Variants in DENND1A observed in about 807,000 individuals in gnomAD.
The protein encoded by DENND1A is DENN domain-containing protein 1A.
A neutral mutation model predicts 113.7 loss-of-function variants in DENND1A; 51 were observed. The observed-to-expected ratio is 0.45, with a 90% CI of 0.36 to 0.57. The LOEUF is 0.57. Ranked by LOEUF, DENND1A falls within the 20% of genes least tolerant of loss-of-function variation. DENND1A has a pLI of 0.00. For missense variants in DENND1A, 1,258 were observed against 1,395.9 expected (o/e 0.90, Z 1.57); for synonymous variants, 565 against 570.8 (o/e 0.99, Z 0.14).
intron 19 of DENND1A, chr9:123,413,481 G>GT: frequency 1.0e-6 from 1 of 985,426 alleles, no homozygotes; most frequent in Non-Finnish European, 1.2e-6. Flanking sequence ...CTTAGAATTT[G>GT]TTTTCTGAAC....
At chr9:123,663,185 C>T (rs934029397) in intron 8 of DENND1A, among the ~76,000 whole-genome samples, 1 of 152,214 alleles carries the variant, frequency 6.6e-6, no homozygotes, top group African/African-American at 2.4e-5. Context: ...TAGATATGAA[C>T]ACTTTTTAGA....
intron 12 of DENND1A, among the ~76,000 whole-genome samples, chr9:123,579,436 G>A (rs2058780979): frequency 6.6e-6 from 1 of 152,110 alleles, no homozygotes; most frequent in South Asian, 2.1e-4. Context: ...TTCACTGATG[G>A]AATAGTTTTA....
intron 2 of DENND1A, among the ~76,000 whole-genome samples, chr9:123,836,616 CATATT>C (rs1332557397): frequency 2.0e-5 from 3 of 152,044 alleles, no homozygotes; most frequent in Admixed American, 2.0e-4. Context: ...TTTCATATCT[CATATT>C]AGAGAATTTT....
intron 12 of DENND1A, among the ~76,000 whole-genome samples, chr9:123,564,986 T>C (rs2057971901): frequency 7.1e-6 from 1 of 141,184 alleles, no homozygotes; most frequent in Admixed American, 7.1e-5. Context: ...CCTTCTTTTT[T>C]TTTTTTTTTT....
chr9:123,557,841 T>C, intron 12 of DENND1A, 146 bp from the exon 13 acceptor site: 2 of 971,660 alleles, frequency 2.1e-6, no homozygotes, highest in Non-Finnish European at 3.0e-6. Context: ...CAAAAACGTG[T>C]TCAGGCTGGG....
chr9:123,865,935 T>C (rs1262949119), intron 2 of DENND1A, among the ~76,000 whole-genome samples: 2 of 152,328 alleles, frequency 1.3e-5, no homozygotes, highest in East Asian at 1.9e-4. Flanking sequence ...TTAACCAAAA[T>C]ACTAGAAAGA....
intron 10 of DENND1A, among the ~76,000 whole-genome samples, chr9:123,626,071 T>C (rs1159847046): frequency 1.3e-5 from 2 of 151,982 alleles, no homozygotes; most frequent in Non-Finnish European, 2.9e-5. Context: ...TTTTTTTTTT[T>C]CTGTGGAGAT....
At chr9:123,879,080 T>A in intron 1 of DENND1A, 59 bp from the exon 2 acceptor site, 1 of 1,539,400 alleles carries the variant, frequency 6.5e-7, no homozygotes, top group Non-Finnish European at 9.0e-7. Flanking sequence ...GTATAGAACA[T>A]GTGGGCTATG....
At chr9:123,435,654 G>A (rs1159371008) in intron 19 of DENND1A, among the ~76,000 whole-genome samples, 1 of 152,212 alleles carries the variant, frequency 6.6e-6, no homozygotes, top group East Asian at 1.9e-4. Context: ...GAAGGGGTTT[G>A]CTGTGATATT....
intron 1 of DENND1A, chr9:123,929,032 G>T: frequency 2.0e-6 from 1 of 508,436 alleles, no homozygotes; most frequent in African/African-American, 2.1e-5. Flanking sequence ...GGCCACAAGA[G>T]GACCTGGCTG....
intron 10 of DENND1A, among the ~76,000 whole-genome samples, chr9:123,625,861 G>C (rs1363739751): frequency 6.6e-6 from 1 of 152,178 alleles, no homozygotes. Flanking sequence ...ATTCCTCCCT[G>C]AAGCACGGCA....
chr9:123,894,877 T>C (rs796988026), intron 1 of DENND1A, among the ~76,000 whole-genome samples: 2 of 152,162 alleles, frequency 1.3e-5, no homozygotes, highest in African/African-American at 4.8e-5. Flanking sequence ...CATGAAGAGG[T>C]GAAACTTGAT....
chr9:123,628,961 A>G (rs1450243706), intron 10 of DENND1A, among the ~76,000 whole-genome samples: 1 of 152,220 alleles, frequency 6.6e-6, no homozygotes, highest in African/African-American at 2.4e-5. Flanking sequence ...GCTATGCATG[A>G]GAGAGGGCCA....
chr9:123,654,078 G>C (rs1045172658), intron 8 of DENND1A, among the ~76,000 whole-genome samples: 1 of 152,042 alleles, frequency 6.6e-6, no homozygotes, highest in Non-Finnish European at 1.5e-5. Flanking sequence ...AACACCAAAG[G>C]CAGTCGGAAG....
At chr9:123,716,891 T>C (rs1437021779) in intron 5 of DENND1A, among the ~76,000 whole-genome samples, 1 of 152,188 alleles carries the variant, frequency 6.6e-6, no homozygotes, top group Admixed American at 6.5e-5. Context: ...AATGCCAACA[T>C]TTTTAGCAGG....
chr9:123,545,018 A>C (rs1416109985), intron 13 of DENND1A, among the ~76,000 whole-genome samples: 1 of 152,014 alleles, frequency 6.6e-6, no homozygotes, highest in East Asian at 1.9e-4. Context: ...GAATGGCGTG[A>C]ACCCGGGAGG....
At chr9:123,446,836 G>T (rs1182840511) in intron 18 of DENND1A, among the ~76,000 whole-genome samples, 1 of 152,078 alleles carries the variant, frequency 6.6e-6, no homozygotes, top group Non-Finnish European at 1.5e-5. Context: ...AAAAAGAAAA[G>T]AAGAAGATCA....
chr9:123,573,239 T>C (rs2115615), intron 12 of DENND1A, among the ~76,000 whole-genome samples: 9,095 of 152,274 alleles, frequency 0.06, 382 homozygotes, highest in South Asian at 0.094. Flanking sequence ...TGTTCTTCTC[T>C]TTCAACATTG....
intron 13 of DENND1A, among the ~76,000 whole-genome samples, chr9:123,510,261 C>T (rs1373828610): frequency 1.3e-5 from 2 of 152,214 alleles, no homozygotes; most frequent in African/African-American, 2.4e-5. Context: ...AGAGCTGGAC[C>T]CAGAGTGGGT....
Sources: allele counts gnomAD v4.1 joint callset (sites outside exome capture counted in the v4.1 genomes callset), GRCh38; gene constraint gnomAD v4.1.1; transcripts MANE v1.5; gene names NCBI Gene and HGNC (gene_info 2026-07-23, HGNC 2026-07-21).